The following ULK2 variants were observed in gnomAD, a reference collection of about 807,000 sequenced individuals.
ULK2 encodes the protein serine/threonine-protein kinase ULK2.
A neutral mutation model predicts 127.5 loss-of-function variants in ULK2; 76 were observed. That is an observed-to-expected ratio of 0.60 (90% CI 0.50 to 0.72). ULK2 has a LOEUF of 0.72. ULK2 is among the 30% of genes least tolerant of loss of function. The probability of loss-of-function intolerance (pLI) is 0.00; values close to 1 mark genes in which losing one functional copy is unlikely to be tolerated. For missense variants in ULK2, 1,144 were observed against 1,295.9 expected (o/e 0.88, Z 1.80); for synonymous variants, 452 against 461.9 (o/e 0.98, Z 0.28).
At chr17:19,855,380 G>T (rs1441369101) in intron 3 of ULK2, among the ~76,000 whole-genome samples, 1 of 151,400 alleles carries the variant, frequency 6.6e-6, no homozygotes, top group Admixed American at 6.6e-5. Context: ...CTCCAGCCTG[G>T]GTGACAGAGC....
intron 21 of ULK2, among the ~76,000 whole-genome samples, chr17:19,785,440 T>C (rs2087008224): frequency 6.6e-6 from 1 of 151,928 alleles, no homozygotes; most frequent in African/African-American, 2.4e-5. Context: ...CTCGAGTTCC[T>C]GGCCTCAAGT....
At chr17:19,784,625 G>T (rs1230361294) in intron 21 of ULK2, among the ~76,000 whole-genome samples, 1 of 140,464 alleles carries the variant, frequency 7.1e-6, no homozygotes. Context: ...CTGGGCTCAG[G>T]TAATTCTTTC....
At chr17:19,787,209 G>A (rs1243285422) in intron 20 of ULK2, among the ~76,000 whole-genome samples, 2 of 152,118 alleles carry the variant, frequency 1.3e-5, no homozygotes, top group Admixed American at 6.5e-5. Context: ...GGATGGTCTC[G>A]ATCTCTTGAC....
At chr17:19,821,713 T>C (rs1269085285) in intron 12 of ULK2, among the ~76,000 whole-genome samples, 1 of 149,160 alleles carries the variant, frequency 6.7e-6, no homozygotes, top group Non-Finnish European at 1.5e-5. Context: ...TTATTTCCAT[T>C]TTTTTTAAAG....
At chr17:19,798,092 C>G (rs571059514) in intron 17 of ULK2, among the ~76,000 whole-genome samples, 1 of 152,136 alleles carries the variant, frequency 6.6e-6, no homozygotes, top group Non-Finnish European at 1.5e-5. Flanking sequence ...ATTCTCTTTT[C>G]TCACACAGCA....
chr17:19,847,065 C>T (rs1350312451), intron 5 of ULK2, among the ~76,000 whole-genome samples, 155 bp from the exon 6 acceptor site: 2 of 152,100 alleles, frequency 1.3e-5, no homozygotes, highest in Admixed American at 6.5e-5. Flanking sequence ...TAATTGAAGA[C>T]TATGAAGAGA....
intron 10 of ULK2, among the ~76,000 whole-genome samples, chr17:19,829,696 C>T (rs2041389062): frequency 2.0e-5 from 3 of 149,576 alleles, no homozygotes; most frequent in Non-Finnish European, 4.4e-5. Flanking sequence ...ATTAGCTGGG[C>T]ATGGTGGCAG....
chr17:19,815,994 C>T (rs1034113789), intron 13 of ULK2, among the ~76,000 whole-genome samples: 1 of 152,164 alleles, frequency 6.6e-6, no homozygotes, highest in Admixed American at 6.5e-5. Context: ...CCTTCCACAC[C>T]CAGCTAATAC....
At position 19,776,326 on chromosome 17, in the gene ULK2, G is replaced by A. The variant is rs765092237; in HGVS notation, c.*23C>T. 52 of 1,589,136 alleles carry A rather than the reference G, an allele frequency of 3.3e-5. No individual in the cohort carries two copies. The highest frequency in any genetic ancestry group is 6.9e-5 in the East Asian group (3 of 43,258). On this transcript the variant is annotated 3_prime_UTR_variant, in exon 27 of 27. Coordinates refer to ENST00000395544, the MANE Select transcript of ULK2 (RefSeq NM_014683.4). ...GGCATCACCTCACGTTCCCACCACC[G>A]GTCCACGGGATGAGCCTGCTGCTCA...
At chr17:19,816,969 G>A (rs890126522) in intron 12 of ULK2, 49 bp from the exon 13 acceptor site, 2 of 1,541,012 alleles carry the variant, frequency 1.3e-6, no homozygotes, top group Non-Finnish European at 1.7e-6. Context: ...TCAAATGCAA[G>A]TCAGAATAGT....
In ULK2 at chr17:19,781,931, C is replaced by T. The variant is rs776986832; in HGVS notation, c.2597G>A (p.Ser866Asn). ...CTGACTGATCTGGTCCACCACCACA[C>T]TCTCCTGGATCTGGTACAAGGACAC... ...SAVSLYQIQESVVVDQISQLS... is the reference protein window; with the variant it reads ...SAVSLYQIQENVVVDQISQLS... The change falls in exon 23 of 27, where the codon AGT becomes AAT. Residue 866 changes from serine (S) to asparagine (N), a missense_variant. Ser to Asn is a conservative substitution (Grantham distance 46). This residue lies in a region of ULK2 where 913 missense variants were observed against 970.5 expected (regional missense o/e 0.94). Coordinates refer to ENST00000395544, the MANE Select transcript of ULK2 (RefSeq NM_014683.4). The T allele has an allele frequency of 8.7e-6, 14 of 1,614,096 alleles. No homozygotes were observed. The highest frequency in any genetic ancestry group is 1.1e-5 in the Non-Finnish European group (13 of 1,180,046).
intron 16 of ULK2, among the ~76,000 whole-genome samples, chr17:19,799,973 C>A (rs2087362264): frequency 6.6e-6 from 1 of 152,234 alleles, no homozygotes. Flanking sequence ...TCCCCCAGGG[C>A]TGTTCCCAGC....
chr17:19,833,145 A>C lies in ULK2; in HGVS notation c.787+5356T>G, dbSNP rs1446039944. 3.4e-5 allele frequency among the ~76,000 whole-genome samples: 4 copies of C among 119,320 alleles called. No individual in the cohort carries two copies. The South Asian group carries it at 8.1e-4, about 24-fold the overall frequency. The allele number at this position is 119,320 out of a possible 152,430, so 78.3% of individuals were successfully genotyped here. On this transcript the variant is annotated intron_variant, in intron 10 of 26. Transcript: ENST00000395544. Reference sequence around the variant, plus strand: ...CTCAAAGGAAAAAAAAAAAAAAAAAAAAAAACAGAACAACCCCCAATTGGG... The same window carrying C: ...CTCAAAGGAAAAAAAAAAAAAAAAACAAAAACAGAACAACCCCCAATTGGG...
intron 10 of ULK2, among the ~76,000 whole-genome samples, chr17:19,828,696 A>G (rs205105): frequency 0.96 from 146,350 of 152,340 alleles, 70,491 homozygotes; most frequent in African/African-American, 0.99. Context: ...TAAAAATAGT[A>G]AAATGGTGAA....
chr17:19,797,018 G>A (rs2087286409), intron 18 of ULK2, among the ~76,000 whole-genome samples: 1 of 152,160 alleles, frequency 6.6e-6, no homozygotes, highest in African/African-American at 2.4e-5. Context: ...TATTGTCCAG[G>A]AGCAGTGGCT....
At chr17:19,836,468 G>C (rs962232445) in intron 10 of ULK2, among the ~76,000 whole-genome samples, 2 of 151,958 alleles carry the variant, frequency 1.3e-5, no homozygotes, top group African/African-American at 4.8e-5. Flanking sequence ...TGTAATCCCA[G>C]CTACTTGGGA....
intron 10 of ULK2, 107 bp downstream of exon 10, chr17:19,838,394 A>G: frequency 1.0e-6 from 1 of 998,956 alleles, no homozygotes; most frequent in Non-Finnish European, 1.5e-6. Context: ...ATAAACAAAA[A>G]GAAAAGTGAA....
intron 4 of ULK2, 148 bp downstream of exon 4, chr17:19,849,591 TTTA>T (rs1567723198): frequency 9.7e-6 from 8 of 820,606 alleles, no homozygotes; most frequent in African/African-American, 3.5e-5. Context: ...CTGAATCAAC[TTTA>T]TTAATACAAA....
Position 19,841,524 on chromosome 17 carries a change from C to A in ULK2, c.669G>T (p.Arg223Ser). ...PFQANSPQDLRMFYEKNRSLM... is the reference protein window; with the variant it reads ...PFQANSPQDLSMFYEKNRSLM... ...AGCTCCTGTTTTTTTCATAAAACAT[C>A]CTTAAGTCTTGAGGACTATTGGCCT... The change falls in exon 9 of 27, where the codon AGG becomes AGT. Residue 223 changes from arginine to serine, a missense_variant. Arg to Ser is a moderately radical substitution (Grantham distance 110). Around this residue, in one of 2 missense-constraint regions of ULK2, gnomAD observed 231 missense variants for 325.4 expected, o/e 0.71. Transcript: ENST00000395544. 6.3e-7 allele frequency: 1 copy of A among 1,590,108 alleles called. No homozygotes were observed. The highest frequency in any genetic ancestry group is 1.9e-5 in the Admixed American group (1 of 53,762).
Sources: allele counts gnomAD v4.1 joint callset (sites outside exome capture counted in the v4.1 genomes callset), GRCh38; gene constraint gnomAD v4.1.1; regional missense constraint gnomAD v4.1.1; transcripts MANE v1.5; gene names NCBI Gene and HGNC (gene_info 2026-07-23, HGNC 2026-07-21).